The following KLF7 variants were observed in gnomAD, a reference collection of about 807,000 sequenced individuals.
KLF7 encodes the protein KLF transcription factor 7.
KLF7 carries 2 observed loss-of-function variants against 27.3 expected under a neutral mutation model. That is an observed-to-expected ratio of 0.07 (90% CI 0.03 to 0.23). The LOEUF (loss-of-function observed/expected upper bound fraction) is 0.23. KLF7 is among the 10% of genes least tolerant of loss of function. The probability of loss-of-function intolerance (pLI) is 1.00; values close to 1 mark genes in which losing one functional copy is unlikely to be tolerated. For synonymous variants in KLF7, 165 were observed against 162.4 expected (o/e 1.02, Z -0.12); for missense variants, 221 against 394.1 (o/e 0.56, Z 3.72).
chr2:207,102,141 C>CAG (rs1553522222), intron 2 of KLF7, among the ~76,000 whole-genome samples: 1 of 151,406 alleles, frequency 6.6e-6, no homozygotes, highest in African/African-American at 2.4e-5. Flanking sequence ...CACACACACA[C>CAG]ACACACACAC....
At chr2:207,084,719 A>C (rs2076347565) in intron 3 of KLF7, among the ~76,000 whole-genome samples, 1 of 152,226 alleles carries the variant, frequency 6.6e-6, no homozygotes, top group Admixed American at 6.5e-5. Context: ...AGAAGTGCAG[A>C]ATCAAATAAT....
At chr2:207,102,123 C>T (rs531334729) in intron 2 of KLF7, among the ~76,000 whole-genome samples, 3 of 96,748 alleles carry the variant, frequency 3.1e-5, no homozygotes, top group African/African-American at 1.2e-4. Context: ...GCTACATTCA[C>T]ATTCACACAC....
At chr2:207,098,828 C>A (rs1356201707) in intron 2 of KLF7, among the ~76,000 whole-genome samples, 1 of 135,360 alleles carries the variant, frequency 7.4e-6, no homozygotes, top group Admixed American at 8.2e-5. Flanking sequence ...CAATGCTGCA[C>A]AGGCCGGTCT....
chr2:207,101,078 T>C (rs74372908), intron 2 of KLF7, among the ~76,000 whole-genome samples: 2,656 of 152,332 alleles, frequency 0.017, 41 homozygotes, highest in Middle Eastern at 0.031. Context: ...AACCCTAACA[T>C]GCATTATCTC....
chr2:207,081,182 G>C lies in KLF7; in HGVS notation c.*31C>G, dbSNP rs756480139. ...ATGGCGTTTCCTTTAGACACTAGCCGATGCCATGGCAACTCTGGCCTTTCG... is the reference window on the plus strand; with the variant it reads ...ATGGCGTTTCCTTTAGACACTAGCCCATGCCATGGCAACTCTGGCCTTTCG... On this transcript the variant is annotated 3_prime_UTR_variant, in exon 4 of 4. Transcript: ENST00000309446. 3.7e-6 allele frequency: 6 copies of C among 1,606,022 alleles called. No homozygotes were observed. The highest frequency in any genetic ancestry group is 5.1e-6 in the Non-Finnish European group (6 of 1,172,780).
At chr2:207,143,111 C>T (rs1246142618) in intron 1 of KLF7, among the ~76,000 whole-genome samples, 1 of 152,052 alleles carries the variant, frequency 6.6e-6, no homozygotes, top group South Asian at 2.1e-4. Context: ...ACAACAAAAA[C>T]ATAACAAATC....
intron 1 of KLF7, among the ~76,000 whole-genome samples, chr2:207,164,612 T>C (rs1194074952): frequency 6.6e-6 from 1 of 152,146 alleles, no homozygotes; most frequent in Non-Finnish European, 1.5e-5. Context: ...CCAGCCCCAC[T>C]TCATCCTCCC....
rs373123277 is a variant in KLF7, at chr2:207,088,588, G to C, written c.734-7C>G. The C allele has an allele frequency of 1.2e-5, 20 of 1,612,626 alleles. No homozygotes were observed. The highest frequency in any genetic ancestry group is 1.5e-5 in the Non-Finnish European group (18 of 1,179,220). ...CACTTATAAGGCTTCTCACCTGCAA[G>C]AAGAGATGGAAGGACCGTGGTCAGC... On this transcript the variant is annotated splice_region_variant and splice_polypyrimidine_tract_variant and intron_variant, in intron 2 of 3. Transcript: ENST00000309446.
At chr2:207,093,478 T>G (rs1342943289) in intron 2 of KLF7, among the ~76,000 whole-genome samples, 1 of 152,222 alleles carries the variant, frequency 6.6e-6, no homozygotes, top group Non-Finnish European at 1.5e-5. Context: ...CCTCACTTCA[T>G]TCCGGTCTCT....
At chr2:207,107,098 A>G (rs1046718223) in intron 2 of KLF7, among the ~76,000 whole-genome samples, 3 of 152,170 alleles carry the variant, frequency 2.0e-5, no homozygotes, top group African/African-American at 7.2e-5. Context: ...AGCCACGTCA[A>G]TACCTGCCCC....
chr2:207,162,750 A>T (rs530986940), intron 1 of KLF7, among the ~76,000 whole-genome samples: 1 of 152,284 alleles, frequency 6.6e-6, no homozygotes, highest in African/African-American at 2.4e-5. Context: ...CAAACGTAAA[A>T]ATGTTCTTGA....
intron 3 of KLF7, among the ~76,000 whole-genome samples, chr2:207,081,539 G>A (rs2076271860): frequency 6.6e-6 from 1 of 152,152 alleles, no homozygotes; most frequent in African/African-American, 2.4e-5. Flanking sequence ...TACCTCATAG[G>A]TGGGTTGTGA....
At chr2:207,106,720 C>T (rs1189257331) in intron 2 of KLF7, among the ~76,000 whole-genome samples, 1 of 152,106 alleles carries the variant, frequency 6.6e-6, no homozygotes, top group African/African-American at 2.4e-5. Context: ...GAAGAAGTGC[C>T]TCAAGATTTT....
intron 2 of KLF7, among the ~76,000 whole-genome samples, chr2:207,106,746 A>T (rs550237610): frequency 6.6e-6 from 1 of 152,282 alleles, no homozygotes; most frequent in South Asian, 2.1e-4. Flanking sequence ...GTCAAGAAAC[A>T]CTTTGGAAAG....
chr2:207,141,905 G>A lies in KLF7; in HGVS notation c.103-17501C>T, dbSNP rs115348147. ...TTTCCCTAAGAAATCCCTTATTTGAGGAGAGACCCAGCTGAAGGAAATAAT... is the reference window on the plus strand; with the variant it reads ...TTTCCCTAAGAAATCCCTTATTTGAAGAGAGACCCAGCTGAAGGAAATAAT... On this transcript the variant is annotated intron_variant, in intron 1 of 3. Transcript: ENST00000309446. Among the ~76,000 whole-genome samples, 595 of 152,086 alleles carry A rather than the reference G, an allele frequency of 3.9e-3. 2 individuals carry two copies. Among genetic ancestry groups the A allele is most frequent in the African/African-American group, 0.014 (562 of 41,476 alleles).
At chr2:207,142,852 T>C (rs1344555502) in intron 1 of KLF7, among the ~76,000 whole-genome samples, 1 of 152,202 alleles carries the variant, frequency 6.6e-6, no homozygotes, top group Non-Finnish European at 1.5e-5. Context: ...TGTCTTCTAT[T>C]TTTGGCTGAC....
In KLF7 at chr2:207,076,994, C is replaced by A. The variant is rs2076186750; in HGVS notation, c.*4219G>T. The A allele has an allele frequency of 1.3e-5, 2 of 152,122 alleles. No homozygotes were observed. The allele number at this position is 152,122 out of a possible 1,614,324, so 9.4% of individuals were successfully genotyped here. On this transcript the variant is annotated 3_prime_UTR_variant, in exon 4 of 4. Transcript: ENST00000309446. Reference sequence around the variant, plus strand: ...AAATTCTAATAAACTAAAAAATGAACCTGATTTTTGTAGTTAAATGTGTTG... The same window carrying A: ...AAATTCTAATAAACTAAAAAATGAAACTGATTTTTGTAGTTAAATGTGTTG...
At chr2:207,136,405 T>C (rs1423643574) in intron 1 of KLF7, among the ~76,000 whole-genome samples, 1 of 152,104 alleles carries the variant, frequency 6.6e-6, no homozygotes, top group Non-Finnish European at 1.5e-5. Flanking sequence ...AGTAACTCCG[T>C]CCGCATCCCA....
upstream of KLF7, among the ~76,000 whole-genome samples, chr2:207,167,765 G>GT (rs1214637634): frequency 1.3e-5 from 2 of 152,188 alleles, no homozygotes; most frequent in African/African-American, 4.8e-5. Context: ...GTCAGAACTT[G>GT]TATCTACCCA....
Sources: gnomAD v4.1 joint callset for allele counts (sites outside exome capture counted in the v4.1 genomes callset) on GRCh38, gnomAD v4.1.1 for gene constraint, MANE v1.5 for transcripts, NCBI Gene and HGNC (gene_info 2026-07-23, HGNC 2026-07-21) for gene names.